The following STXBP6 variants were observed in gnomAD, a reference collection of about 807,000 sequenced individuals.
The protein encoded by STXBP6 is syntaxin binding protein 6, also known as syntaxin-binding protein 6.
Under a neutral mutation model 26.9 loss-of-function variants are expected in STXBP6, and 21 were observed. The observed-to-expected ratio is 0.78, with a 90% CI of 0.55 to 1.12. The LOEUF is 1.12. STXBP6 is among the 50% of genes most tolerant of loss of function. The pLI, the probability that STXBP6 is intolerant of heterozygous loss-of-function variation, is 0.00. For synonymous variants in STXBP6, 97 were observed against 92.6 expected (o/e 1.05, Z -0.27); for missense variants, 232 against 257.9 (o/e 0.90, Z 0.69).
At chr14:24,989,553 T>C (rs921804044) in intron 1 of STXBP6, among the ~76,000 whole-genome samples, 1 of 152,178 alleles carries the variant, frequency 6.6e-6, no homozygotes, top group African/African-American at 2.4e-5. Flanking sequence ...GCTGCTCTGA[T>C]AAAGTGCCAC....
chr14:24,845,319 G>A (rs2068926367), intron 4 of STXBP6, among the ~76,000 whole-genome samples: 1 of 152,030 alleles, frequency 6.6e-6, no homozygotes, highest in African/African-American at 2.4e-5. Context: ...GCCATCAAAA[G>A]CTTCAACTAT....
At chr14:24,827,874 T>C (rs1215749639) in intron 4 of STXBP6, among the ~76,000 whole-genome samples, 1 of 152,118 alleles carries the variant, frequency 6.6e-6, no homozygotes, top group Non-Finnish European at 1.5e-5. Flanking sequence ...CACTGTTTCT[T>C]GACAGATTAT....
At chr14:24,928,281 G>T (rs1013051799) in intron 2 of STXBP6, among the ~76,000 whole-genome samples, 3 of 152,150 alleles carry the variant, frequency 2.0e-5, no homozygotes, top group Non-Finnish European at 4.4e-5. Flanking sequence ...TGAAAAGTGG[G>T]AGAGAATATA....
chr14:25,037,765 G>A (rs1299487457), intron 1 of STXBP6, among the ~76,000 whole-genome samples: 1 of 152,198 alleles, frequency 6.6e-6, no homozygotes, highest in Non-Finnish European at 1.5e-5. Context: ...ACTTTTTAAG[G>A]TGGTTTACTA....
intron 4 of STXBP6, among the ~76,000 whole-genome samples, chr14:24,830,660 G>C (rs1329258119): frequency 6.6e-6 from 1 of 152,148 alleles, no homozygotes; most frequent in Non-Finnish European, 1.5e-5. Context: ...GAGTCAGTAA[G>C]TCAAACAGAT....
chr14:24,901,363 C>G (rs2071207067), intron 2 of STXBP6, among the ~76,000 whole-genome samples: 1 of 151,930 alleles, frequency 6.6e-6, no homozygotes, highest in Non-Finnish European at 1.5e-5. Context: ...CAAAAAAAGA[C>G]TGGCTATATT....
chr14:25,030,129 A>G (rs571137881), intron 1 of STXBP6, among the ~76,000 whole-genome samples: 1 of 152,222 alleles, frequency 6.6e-6, no homozygotes, highest in Non-Finnish European at 1.5e-5. Flanking sequence ...AATGACTACA[A>G]TGGCATCCCT....
intron 2 of STXBP6, among the ~76,000 whole-genome samples, chr14:24,963,469 T>C (rs1159723255): frequency 6.6e-6 from 1 of 151,936 alleles, no homozygotes; most frequent in Non-Finnish European, 1.5e-5. Context: ...CTCGGCCACA[T>C]TGGATCCACA....
At chr14:24,994,143 T>C (rs1178187227) in intron 1 of STXBP6, among the ~76,000 whole-genome samples, 1 of 152,178 alleles carries the variant, frequency 6.6e-6, no homozygotes, top group East Asian at 1.9e-4. Flanking sequence ...GGACCCTGAC[T>C]CATGAAGTAC....
chr14:24,890,523 C>G (rs982151146), intron 2 of STXBP6, among the ~76,000 whole-genome samples: 1 of 151,994 alleles, frequency 6.6e-6, no homozygotes, highest in East Asian at 1.9e-4. Context: ...CTGAAGGGAC[C>G]CACTAACTAC....
chr14:24,853,226 A>C (rs2069216246), intron 4 of STXBP6, among the ~76,000 whole-genome samples: 1 of 152,120 alleles, frequency 6.6e-6, no homozygotes, highest in African/African-American at 2.4e-5. Context: ...GAAGATACCC[A>C]AAAGTTAAAG....
At chr14:24,904,895 G>GA (rs565204117) in intron 2 of STXBP6, among the ~76,000 whole-genome samples, 29 of 151,706 alleles carry the variant, frequency 1.9e-4, no homozygotes, top group Non-Finnish European at 3.4e-4. Context: ...TTTGATTAGA[G>GA]AAAATTAGAT....
chr14:25,031,717 ATT>A (rs58317547), intron 1 of STXBP6, among the ~76,000 whole-genome samples: 31 of 141,034 alleles, frequency 2.2e-4, no homozygotes, highest in East Asian at 1.2e-3. Context: ...CTCCCAAGCA[ATT>A]TTTTTTTTTT....
chr14:25,014,104 T>C (rs185120349), intron 1 of STXBP6, among the ~76,000 whole-genome samples: 1 of 152,330 alleles, frequency 6.6e-6, no homozygotes, highest in Non-Finnish European at 1.5e-5. Flanking sequence ...AGATTGGCCA[T>C]AAATTAACCA....
At position 24,813,911 on chromosome 14, in the gene STXBP6, CACA is replaced by C. The variant is rs933800985; in HGVS notation, c.610-1182_610-1180del. On this transcript the variant is annotated intron_variant, in intron 5 of 5. Coordinates refer to ENST00000323944, the MANE Select transcript of STXBP6 (RefSeq NM_001394410.1). ...CACCAGCAAAGACAGGGTCAACACTCACAACAAGTGTCCCCAGCCAGGTTTGCA... is the reference window on the plus strand; with the variant it reads ...CACCAGCAAAGACAGGGTCAACACTCACAAGTGTCCCCAGCCAGGTTTGCA... Among the ~76,000 whole-genome samples, 66 of 152,198 alleles carry C rather than the reference CACA, an allele frequency of 4.3e-4. 1 individual carries two copies. The highest frequency in any genetic ancestry group is 1.5e-3 in the African/African-American group (64 of 41,442).
At chr14:25,005,157 C>G (rs1595299078) in intron 1 of STXBP6, among the ~76,000 whole-genome samples, 1 of 151,920 alleles carries the variant, frequency 6.6e-6, no homozygotes, top group East Asian at 1.9e-4. Context: ...ATTTATTTAC[C>G]TTTTTAAAAG....
chr14:24,830,854 T>C (rs1048924311), intron 4 of STXBP6, among the ~76,000 whole-genome samples: 9 of 152,142 alleles, frequency 5.9e-5, no homozygotes, highest in African/African-American at 1.7e-4. Context: ...TAAAGGAACC[T>C]GCTAAGGAAA....
chr14:25,012,739 T>G (rs2075059138), intron 1 of STXBP6, among the ~76,000 whole-genome samples: 1 of 152,190 alleles, frequency 6.6e-6, no homozygotes, highest in African/African-American at 2.4e-5. Context: ...TGAAAATTGT[T>G]TTGACCTTAT....
chr14:25,032,483 T>A (rs1429399838), intron 1 of STXBP6, among the ~76,000 whole-genome samples: 1 of 152,154 alleles, frequency 6.6e-6, no homozygotes, highest in East Asian at 1.9e-4. Flanking sequence ...CAAAAACTCA[T>A]CCACTGATTC....
Sources: gnomAD v4.1 joint callset for allele counts (sites outside exome capture counted in the v4.1 genomes callset) on GRCh38, gnomAD v4.1.1 for gene constraint, MANE v1.5 for transcripts, NCBI Gene and HGNC (gene_info 2026-07-23, HGNC 2026-07-21) for gene names.